Variants in ADAMTS18 observed in about 807,000 individuals in gnomAD.
The protein encoded by ADAMTS18 is ADAM metallopeptidase with thrombospondin type 1 motif 18.
In ADAMTS18, 157 loss-of-function variants were observed where a neutral mutation model predicts 165.9. That is an observed-to-expected ratio of 0.95 (90% confidence interval 0.83 to 1.08). ADAMTS18 has a LOEUF of 1.08. Ranked by LOEUF, ADAMTS18 falls within the 50% of genes least tolerant of loss-of-function variation. ADAMTS18 has a pLI of 0.00. For synonymous variants in ADAMTS18, 782 were observed against 578.2 expected, an observed-to-expected ratio of 1.35 and a Z score of -5.06; for missense variants, 2,040 against 1,534.0, an observed-to-expected ratio of 1.33 and a Z score of -5.51.
intron 16 of ADAMTS18, among the ~76,000 whole-genome samples, chr16:77,318,264 T>A (rs1405522442): frequency 1.3e-5 from 2 of 152,180 alleles, no homozygotes; most frequent in East Asian, 3.9e-4. Context: ...AAACTATCTA[T>A]TTCCCACCTC....
At chr16:77,366,817 C>T (rs1194600096) in intron 4 of ADAMTS18, among the ~76,000 whole-genome samples, 3 of 152,072 alleles carry the variant, frequency 2.0e-5, no homozygotes, top group African/African-American at 7.2e-5. Flanking sequence ...AATTTGTTAT[C>T]CTGATTACAT....
Position 77,367,421 on chromosome 16 carries a change from G to A in ADAMTS18, c.778+20C>T. 1.9e-6 allele frequency: 3 copies of A among 1,613,958 alleles called. No individual in the cohort carries two copies. The highest frequency in any genetic ancestry group is 2.5e-6 in the Non-Finnish European group (3 of 1,180,004). On this transcript the variant is annotated intron_variant, in intron 4 of 22. Transcript: ENST00000282849. ...CGAGGCCCACATAAGAACAGAAAAAGAAAAAGTTTCCTTACATACATTTCT... is the reference window on the plus strand; with the variant it reads ...CGAGGCCCACATAAGAACAGAAAAAAAAAAAGTTTCCTTACATACATTTCT...
intron 3 of ADAMTS18, among the ~76,000 whole-genome samples, chr16:77,404,590 A>AGATGGAGTAGTT (rs2057371265): frequency 6.6e-6 from 1 of 152,236 alleles, no homozygotes; most frequent in Non-Finnish European, 1.5e-5. Context: ...AATACATAGT[A>AGATGGAGTAGTT]GATGGAGTAG....
At chr16:77,397,103 C>A (rs1486520656) in intron 3 of ADAMTS18, among the ~76,000 whole-genome samples, 1 of 152,206 alleles carries the variant, frequency 6.6e-6, no homozygotes, top group East Asian at 1.9e-4. Flanking sequence ...GCCACCACGG[C>A]CGGCCTGGAT....
Position 77,359,318 on chromosome 16 carries a change from T to C in ADAMTS18, c.1322A>G (p.Asn441Ser), listed in dbSNP as rs769636445. ...AFTIAHESGH[N>S]FGMIHDGEGN... ...AGTAGTGGTTCAAAGAGGCACTTAC[T>C]TGTGCCCTGACTCATGAGCGATGGT... is the stretch of plus-strand genomic sequence containing the variant. The change falls in exon 8 of 23, where the codon AAC (asparagine) becomes AGC (serine). Residue 441 changes from asparagine (N) to serine (S), a missense_variant and splice_region_variant. Asn to Ser is a conservative substitution (Grantham distance 46). Coordinates refer to ENST00000282849, the MANE Select transcript of ADAMTS18 (RefSeq NM_199355.4). 6 of 1,613,326 alleles carry C rather than the reference T, an allele frequency of 3.7e-6. No homozygotes were observed. Among genetic ancestry groups the C allele is most frequent in the Non-Finnish European group, 5.1e-6 (6 of 1,179,552 alleles).
intron 10 of ADAMTS18, among the ~76,000 whole-genome samples, chr16:77,342,931 G>T (rs1358749726): frequency 6.6e-6 from 1 of 152,146 alleles, no homozygotes. Context: ...AGACCTAGGA[G>T]AATGTTGCTG....
chr16:77,295,540 G>A (rs1396510501), intron 18 of ADAMTS18, among the ~76,000 whole-genome samples: 3 of 152,134 alleles, frequency 2.0e-5, no homozygotes, highest in Non-Finnish European at 4.4e-5. Flanking sequence ...AACAAATAAA[G>A]ACAGTACTTT....
chr16:77,306,960 TAAAATTCTA>T (rs2055693430), intron 16 of ADAMTS18, among the ~76,000 whole-genome samples: 1 of 152,200 alleles, frequency 6.6e-6, no homozygotes, highest in Non-Finnish European at 1.5e-5. Flanking sequence ...GATTCTAATT[TAAAATTCTA>T]AAAACTGTGT....
At chr16:77,374,148 G>A (rs2056916626) in intron 3 of ADAMTS18, among the ~76,000 whole-genome samples, 1 of 151,660 alleles carries the variant, frequency 6.6e-6, no homozygotes, top group Non-Finnish European at 1.5e-5. Flanking sequence ...GACCCCAGGA[G>A]GAGCAGTTTG....
At chr16:77,373,899 T>C (rs1471883424) in intron 3 of ADAMTS18, among the ~76,000 whole-genome samples, 1 of 152,134 alleles carries the variant, frequency 6.6e-6, no homozygotes, top group African/African-American at 2.4e-5. Context: ...CTCTGATGCA[T>C]GCCACTTGTT....
intron 3 of ADAMTS18, among the ~76,000 whole-genome samples, chr16:77,386,691 A>G (rs1021076497): frequency 3.9e-5 from 6 of 152,196 alleles, no homozygotes; most frequent in South Asian, 4.1e-4. Flanking sequence ...TGCAAAAGTC[A>G]TATCTTGCTA....
At chr16:77,421,778 A>G (rs2057606229) in intron 3 of ADAMTS18, among the ~76,000 whole-genome samples, 1 of 152,140 alleles carries the variant, frequency 6.6e-6, no homozygotes, top group Non-Finnish European at 1.5e-5. Context: ...TCCTCATAAA[A>G]TATACAATTG....
chr16:77,397,455 A>G (rs1200384281), intron 3 of ADAMTS18, among the ~76,000 whole-genome samples: 1 of 152,218 alleles, frequency 6.6e-6, no homozygotes, highest in Non-Finnish European at 1.5e-5. Context: ...AAAGAAAGAA[A>G]TAACTCCATG....
Position 77,296,006 on chromosome 16 carries a change from A to AG in ADAMTS18, c.2802-880_2802-879insC, listed in dbSNP as rs1339987263. 6.1e-4 allele frequency among the ~76,000 whole-genome samples: 60 copies of AG among 98,646 alleles called. 1 individual carries two copies. Among genetic ancestry groups the AG allele is most frequent in the Admixed American group, 2.2e-3 (23 of 10,336 alleles). 64.7% of individuals were successfully genotyped at this position (98,646 alleles called of 152,430 possible). Reference sequence around the variant, plus strand: ...GCACTATTATTTACAAGAAAAAAAAAAGTGTGTGTGTGTATATATATATAC... The same window carrying AG: ...GCACTATTATTTACAAGAAAAAAAAAGAGTGTGTGTGTGTATATATATATAC... On this transcript the variant is annotated intron_variant, in intron 18 of 22. Transcript: ENST00000282849.
intron 3 of ADAMTS18, among the ~76,000 whole-genome samples, chr16:77,418,243 C>T (rs2057555510): frequency 6.6e-6 from 1 of 152,108 alleles, no homozygotes; most frequent in African/African-American, 2.4e-5. Context: ...ACATAGATTA[C>T]CTGAAATCAT....
intron 3 of ADAMTS18, among the ~76,000 whole-genome samples, chr16:77,408,949 T>C (rs991023683): frequency 1.3e-5 from 2 of 152,184 alleles, no homozygotes; most frequent in African/African-American, 4.8e-5. Flanking sequence ...ACATAACTTT[T>C]AATACAGTAT....
At position 77,341,698 on chromosome 16, in the gene ADAMTS18, G is replaced by A; in HGVS notation, c.1710+6C>T. 1 of 1,610,476 alleles carries A rather than the reference G, an allele frequency of 6.2e-7. No individual in the cohort carries two copies. The highest frequency in any genetic ancestry group is 1.3e-5 in the African/African-American group (1 of 74,888). On this transcript the variant is annotated splice_donor_region_variant and intron_variant, in intron 11 of 22. Coordinates refer to ENST00000282849, the MANE Select transcript of ADAMTS18 (RefSeq NM_199355.4). Reference sequence around the variant, plus strand: ...GGAGCTAAAAACTAACAAGTATGCAGTTTACCATACTCAAGCCACAAACGG... The same window carrying A: ...GGAGCTAAAAACTAACAAGTATGCAATTTACCATACTCAAGCCACAAACGG...
chr16:77,291,859 G>A (rs2055370869), intron 20 of ADAMTS18, among the ~76,000 whole-genome samples: 1 of 152,182 alleles, frequency 6.6e-6, no homozygotes, highest in Admixed American at 6.5e-5. Context: ...TGAGGAGTTA[G>A]GAATCTGAGT....
At position 77,293,275 on chromosome 16, in the gene ADAMTS18, A is replaced by C. The variant is rs751597619; in HGVS notation, c.3007-17T>G. 1 of 1,611,786 alleles carries C rather than the reference A, an allele frequency of 6.2e-7. No homozygotes were observed. Among genetic ancestry groups the C allele is most frequent in the Non-Finnish European group, 8.5e-7 (1 of 1,178,242 alleles). ...CTTGGAACACTTGAGAAGACAAAAAAGTTCTATTTGCATTCCCATTAGGTT... is the reference window on the plus strand; with the variant it reads ...CTTGGAACACTTGAGAAGACAAAAACGTTCTATTTGCATTCCCATTAGGTT... On this transcript the variant is annotated splice_polypyrimidine_tract_variant and intron_variant, in intron 19 of 22. Coordinates refer to ENST00000282849, the MANE Select transcript of ADAMTS18 (RefSeq NM_199355.4).
Sources: gnomAD v4.1 joint callset for allele counts (sites outside exome capture counted in the v4.1 genomes callset) on GRCh38, gnomAD v4.1.1 for gene constraint, MANE v1.5 for transcripts, NCBI Gene and HGNC (gene_info 2026-07-23, HGNC 2026-07-21) for gene names.